TSGA10: variants seen among roughly 807,000 people sequenced by gnomAD.
TSGA10 encodes the protein testis specific 10.
In TSGA10, 43 loss-of-function variants were observed where a neutral mutation model predicts 96.6. The ratio of observed to expected loss-of-function variants is 0.44; its 90% CI spans 0.35 to 0.57. TSGA10 has a LOEUF of 0.57. Ranked by LOEUF, TSGA10 falls within the 20% of genes least tolerant of loss-of-function variation. The probability of loss-of-function intolerance (pLI) is 0.01; values close to 1 mark genes in which losing one functional copy is unlikely to be tolerated. For missense variants in TSGA10, 703 were observed against 834.4 expected, an observed-to-expected ratio of 0.84 and a Z score of 1.94; for synonymous variants, 229 against 269.9, an observed-to-expected ratio of 0.85 and a Z score of 1.48.
At chr2:99,105,817 G>T (rs1455827089) in intron 7 of TSGA10, 120 bp from the exon 8 acceptor site, 4 of 589,226 alleles carry the variant, frequency 6.8e-6, no homozygotes, top group African/African-American at 5.5e-5. Flanking sequence ...GCAGGGTAAT[G>T]GTATCGCTTT....
At chr2:99,031,634 T>C (rs1295682631) in intron 17 of TSGA10, among the ~76,000 whole-genome samples, 2 of 152,170 alleles carry the variant, frequency 1.3e-5, no homozygotes, top group Non-Finnish European at 2.9e-5. Flanking sequence ...CCCTAACCCC[T>C]GGGCCACAGA....
At chr2:99,023,002 T>G (rs1242389619) in intron 17 of TSGA10, among the ~76,000 whole-genome samples, 2 of 152,178 alleles carry the variant, frequency 1.3e-5, no homozygotes, top group Non-Finnish European at 2.9e-5. Flanking sequence ...ATCCTTTGCC[T>G]AATTTTTTAG....
intron 20 of TSGA10, among the ~76,000 whole-genome samples, chr2:99,011,199 C>T (rs1205102208): frequency 1.3e-5 from 2 of 152,206 alleles, no homozygotes; most frequent in Non-Finnish European, 2.9e-5. Flanking sequence ...GTGGTGCAAT[C>T]TCTGCTCACT....
chr2:99,117,633 A>G lies in TSGA10; in HGVS notation c.-229T>C, dbSNP rs2104914844. 3.0e-6 allele frequency: 3 copies of G among 985,818 alleles called. No homozygotes were observed. Among genetic ancestry groups the G allele is most frequent in the East Asian group, 1.1e-4 (1 of 8,814 alleles). 61.1% of individuals were successfully genotyped at this position (985,818 alleles called of 1,614,324 possible). On this transcript the variant is annotated 5_prime_UTR_variant, in exon 4 of 21. Transcript: ENST00000393483. The stretch of plus-strand genomic sequence containing the variant: ...TCTGCTAGTTGGTCAATTTTAATCA[A>G]TTCTTTACAAAGATGCTCATTGTGG...
At chr2:99,108,395 A>G (rs2091529381) in intron 7 of TSGA10, among the ~76,000 whole-genome samples, 1 of 152,166 alleles carries the variant, frequency 6.6e-6, no homozygotes, top group Non-Finnish European at 1.5e-5. Context: ...AAAGCTATGC[A>G]ATTCTAAGCT....
At chr2:99,083,088 A>G (rs2087738497) in intron 10 of TSGA10, among the ~76,000 whole-genome samples, 1 of 152,178 alleles carries the variant, frequency 6.6e-6, no homozygotes, top group Non-Finnish European at 1.5e-5. Context: ...AAAAGACAGA[A>G]TAAGAAGGTC....
chr2:99,084,798 T>C (rs573573869), intron 10 of TSGA10, among the ~76,000 whole-genome samples: 3 of 152,112 alleles, frequency 2.0e-5, no homozygotes, highest in African/African-American at 7.2e-5. Context: ...GAGGCTGATA[T>C]TGTTAGTCAC....
At chr2:99,141,051 C>CT in intron 1 of TSGA10, 1 of 1,265,306 alleles carries the variant, frequency 7.9e-7, no homozygotes, top group South Asian at 1.3e-5. Flanking sequence ...TAGCAGCACT[C>CT]TCCCCACCCC....
At chr2:99,078,839 G>C (rs2087072758) in intron 11 of TSGA10, 26 bp from the exon 12 acceptor site, 1 of 1,563,152 alleles carries the variant, frequency 6.4e-7, no homozygotes, top group Non-Finnish European at 8.6e-7. Context: ...TAAAAGTGTT[G>C]TTTTAATCAA....
chr2:99,059,751 A>G (rs926763338), intron 16 of TSGA10, among the ~76,000 whole-genome samples: 7 of 151,704 alleles, frequency 4.6e-5, no homozygotes, highest in Non-Finnish European at 8.8e-5. Flanking sequence ...CGTTTCTACA[A>G]AAAAATGCAA....
intron 16 of TSGA10, among the ~76,000 whole-genome samples, chr2:99,056,796 T>C (rs2104403210): frequency 1.1e-5 from 1 of 87,052 alleles, no homozygotes. Flanking sequence ...CAGACGCTCC[T>C]AGAAATACAC....
intron 10 of TSGA10, among the ~76,000 whole-genome samples, chr2:99,098,230 GT>G (rs1242567056): frequency 5.3e-5 from 8 of 151,940 alleles, no homozygotes; most frequent in Non-Finnish European, 1.0e-4. Flanking sequence ...GAGGTCAGGA[GT>G]TTGAGACCAA....
intron 10 of TSGA10, among the ~76,000 whole-genome samples, chr2:99,103,724 GA>G (rs2091025793): frequency 2.0e-5 from 3 of 152,310 alleles, no homozygotes; most frequent in African/African-American, 7.2e-5. Context: ...GTTAAAAGTT[GA>G]AGTTTTTTAC....
chr2:99,028,363 G>A (rs1285651314), intron 17 of TSGA10, among the ~76,000 whole-genome samples: 1 of 152,046 alleles, frequency 6.6e-6, no homozygotes, highest in Admixed American at 6.6e-5. Flanking sequence ...TATACTTAAG[G>A]AATATAACAT....
At chr2:99,004,741 G>A (rs1376703024) in intron 20 of TSGA10, among the ~76,000 whole-genome samples, 1 of 152,140 alleles carries the variant, frequency 6.6e-6, no homozygotes, top group Non-Finnish European at 1.5e-5. Context: ...CATTCCATCT[G>A]AAACTATTCC....
rs868706269 is a variant in TSGA10 at position 99,150,894 on chromosome 2, A to C, written c.-621+3799T>G. 1.5e-5 allele frequency: 17 copies of C among 1,103,112 alleles called. No homozygotes were observed. The Middle Eastern group carries it at 6.2e-4, about 40-fold the overall frequency. 68.3% of individuals were successfully genotyped at this position (1,103,112 alleles called of 1,614,324 possible). ...CTGCCTTTGACTAAGGGGGGTGTTGAAAGAGAACTTAACCTTATTAGGAAA... is the reference window on the plus strand; with the variant it reads ...CTGCCTTTGACTAAGGGGGGTGTTGCAAGAGAACTTAACCTTATTAGGAAA... On this transcript the variant is annotated intron_variant, in intron 1 of 20. Coordinates refer to ENST00000393483, the MANE Select transcript of TSGA10 (RefSeq NM_025244.4).
chr2:99,036,135 T>C (rs763982588), intron 16 of TSGA10, among the ~76,000 whole-genome samples: 8 of 152,134 alleles, frequency 5.3e-5, no homozygotes, highest in African/African-American at 1.7e-4. Flanking sequence ...GAAGTATTTG[T>C]TTGCTATAAT....
chr2:99,122,168 A>G (rs913245018), intron 2 of TSGA10, among the ~76,000 whole-genome samples: 1 of 152,194 alleles, frequency 6.6e-6, no homozygotes, highest in African/African-American at 2.4e-5. Flanking sequence ...TACTGTAGTT[A>G]TAAGTGTTGA....
chr2:99,067,141 C>T (rs568634666), intron 15 of TSGA10, among the ~76,000 whole-genome samples: 1 of 152,292 alleles, frequency 6.6e-6, no homozygotes, highest in South Asian at 2.1e-4. Flanking sequence ...TCCCCTACAC[C>T]TTTGCTCATG....
Sources: allele counts gnomAD v4.1 joint callset (sites outside exome capture counted in the v4.1 genomes callset), GRCh38; gene constraint gnomAD v4.1.1; transcripts MANE v1.5; gene names NCBI Gene and HGNC (gene_info 2026-07-23, HGNC 2026-07-21).